Variants in LTBP2 observed in about 807,000 individuals in gnomAD.
LTBP2 encodes the protein latent-transforming growth factor beta-binding protein 2.
A neutral mutation model predicts 210.6 loss-of-function variants in LTBP2; 103 were observed. The ratio of observed to expected loss-of-function variants is 0.49; its 90% CI spans 0.42 to 0.58. LTBP2 has a LOEUF of 0.58. Among genes scored for constraint, LTBP2 ranks in the 20% least tolerant of loss-of-function variants. The pLI is 0.00. For synonymous variants in LTBP2, 1,007 were observed against 1,015.0 expected (o/e 0.99, Z 0.15); for missense variants, 2,313 against 2,494.5 (o/e 0.93, Z 1.55).
At chr14:74,560,131 T>C (rs924962008) in intron 3 of LTBP2, 1 of 152,162 alleles carries the variant, frequency 6.6e-6, no homozygotes, top group African/African-American at 2.4e-5. Flanking sequence ...GGGAACAACA[T>C]AAAGTCGCTT....
In LTBP2 at chr14:74,607,004, C is replaced by T. The variant is rs58039005; in HGVS notation, c.495-3299G>A. Reference sequence around the variant, plus strand: ...TCTAGAGGTTTCTTTCTTATTTCTCCTTGTGCCTCTACAGTCTAACACAGT... The same window carrying T: ...TCTAGAGGTTTCTTTCTTATTTCTCTTTGTGCCTCTACAGTCTAACACAGT... On this transcript the variant is annotated intron_variant, in intron 1 of 35. Coordinates refer to ENST00000261978, the MANE Select transcript of LTBP2 (RefSeq NM_000428.3). Among the ~76,000 whole-genome samples, 659 of 152,258 alleles carry T rather than the reference C, an allele frequency of 4.3e-3. 4 individuals are homozygous for T. The highest frequency in any genetic ancestry group is 0.015 in the African/African-American group (641 of 41,538).
chr14:74,534,225 T>C (rs1043186894), intron 9 of LTBP2, among the ~76,000 whole-genome samples: 5 of 152,322 alleles, frequency 3.3e-5, no homozygotes, highest in Non-Finnish European at 7.4e-5. Flanking sequence ...CTGGGTTCCC[T>C]GTCACTTCTT....
rs1419311442 is a variant in LTBP2 at position 74,611,572 on chromosome 14, T to G, written c.373A>C (p.Thr125Pro). The G allele has an allele frequency of 6.4e-7, 1 of 1,574,702 alleles. No homozygotes were observed. Among genetic ancestry groups the G allele is most frequent in the Non-Finnish European group, 8.6e-7 (1 of 1,167,380 alleles). ...GCTGGTTGCTGCTGGCCCAGGGGAG[T>G]GCTTCTCCGGGTCTGCGCAGGTGGC... ...VQPPAQTRRS[T>P]PLGQQQPAPR... is the part of the protein sequence containing the mutation. Residue 125 changes from threonine to proline, a missense_variant, in exon 1 of 36, where the codon ACT (threonine) becomes CCT (proline). Thr to Pro is a conservative substitution (Grantham distance 38). Coordinates refer to ENST00000261978, the MANE Select transcript of LTBP2 (RefSeq NM_000428.3).
intron 9 of LTBP2, 43 bp downstream of exon 9, chr14:74,535,883 G>T (rs374947629): frequency 2.6e-6 from 4 of 1,545,596 alleles, no homozygotes; most frequent in Admixed American, 3.3e-5. Flanking sequence ...CTGGGAGTGT[G>T]CCCCGGCATC....
At chr14:74,571,794 C>T (rs1209614440) in intron 3 of LTBP2, among the ~76,000 whole-genome samples, 2 of 152,206 alleles carry the variant, frequency 1.3e-5, no homozygotes, top group African/African-American at 4.8e-5. Flanking sequence ...GCTGAGGCTC[C>T]AGGAGGAAAA....
chr14:74,574,984 C>T (rs915156582), intron 3 of LTBP2, among the ~76,000 whole-genome samples: 1 of 151,620 alleles, frequency 6.6e-6, no homozygotes, highest in African/African-American at 2.4e-5. Context: ...AGCTCGGCAT[C>T]CTCACCAACC....
At chr14:74,601,070 A>G (rs1247714625) in intron 2 of LTBP2, among the ~76,000 whole-genome samples, 3 of 152,180 alleles carry the variant, frequency 2.0e-5, no homozygotes, top group Non-Finnish European at 4.4e-5. Flanking sequence ...TGTTAAAAAA[A>G]TTACAGTGCC....
chr14:74,505,244 A>G, intron 28 of LTBP2, 70 bp from the exon 29 acceptor site: 1 of 1,523,694 alleles, frequency 6.6e-7, no homozygotes, highest in East Asian at 2.3e-5. Flanking sequence ...CCTTGACTTT[A>G]TTTCTTAAAT....
intron 3 of LTBP2, among the ~76,000 whole-genome samples, chr14:74,567,720 G>A (rs973628924): frequency 1.3e-5 from 2 of 152,170 alleles, no homozygotes; most frequent in East Asian, 1.9e-4. Context: ...CCATGGAGTC[G>A]TCACAGCGCT....
At chr14:74,598,966 C>A (rs1229271464) in intron 2 of LTBP2, among the ~76,000 whole-genome samples, 2 of 152,188 alleles carry the variant, frequency 1.3e-5, no homozygotes, top group African/African-American at 4.8e-5. Flanking sequence ...CAGCCGACCT[C>A]ATTTGTAAAT....
At chr14:74,502,410 G>C (rs1041296492) in intron 34 of LTBP2, among the ~76,000 whole-genome samples, 2 of 152,152 alleles carry the variant, frequency 1.3e-5, no homozygotes, top group African/African-American at 4.8e-5. Flanking sequence ...AAGCTTGTAG[G>C]TTGGGACAGG....
intron 5 of LTBP2, 45 bp downstream of exon 5, chr14:74,552,847 C>T (rs965581203): frequency 1.9e-6 from 3 of 1,588,822 alleles, no homozygotes; most frequent in Non-Finnish European, 2.6e-6. Context: ...GGCCATCTAC[C>T]CTCCAGGGCC....
intron 28 of LTBP2, among the ~76,000 whole-genome samples, chr14:74,505,664 C>T (rs1369699985): frequency 6.6e-6 from 1 of 152,034 alleles, no homozygotes; most frequent in Admixed American, 6.6e-5. Context: ...CAGGAGCTCT[C>T]GGGTGGAGTG....
intron 1 of LTBP2, among the ~76,000 whole-genome samples, chr14:74,605,947 G>A (rs2088519895): frequency 6.6e-6 from 1 of 152,192 alleles, no homozygotes; most frequent in Non-Finnish European, 1.5e-5. Context: ...GATCCCTACA[G>A]GCCAATATTA....
In LTBP2 at chr14:74,506,852, GAT is replaced by G. The variant is rs1491318098; in HGVS notation, c.3908-31_3908-30del. 2,192 of 1,589,268 alleles carry G rather than the reference GAT, an allele frequency of 1.4e-3. 26 individuals are homozygous for G. In the African/African-American group the frequency reaches 0.029, roughly 21 times the overall value. On this transcript the variant is annotated intron_variant, in intron 26 of 35. Coordinates refer to ENST00000261978, the MANE Select transcript of LTBP2 (RefSeq NM_000428.3). ...TGGGACAGTGGGAACCAGGATAGAG[GAT>G]GTGTGTGTGTGTGTGTGTGTGTGTG... is the stretch of plus-strand genomic sequence containing the variant.
At chr14:74,515,972 T>G (rs2087129144) in intron 18 of LTBP2, among the ~76,000 whole-genome samples, 1 of 152,188 alleles carries the variant, frequency 6.6e-6, no homozygotes, top group Non-Finnish European at 1.5e-5. Flanking sequence ...GTAGTGGTAT[T>G]GGGAAGGGAA....
rs2087045015 is a variant in LTBP2, at chr14:74,509,720, C to A, written c.3277+14G>T. ...ATATTCTGTCCCCTTCCACCACTGC[C>A]TCCCCAGGGTTACCTTCACAGGCAG... On this transcript the variant is annotated intron_variant, in intron 21 of 35. Coordinates refer to ENST00000261978, the MANE Select transcript of LTBP2 (RefSeq NM_000428.3). 6.2e-7 allele frequency: 1 copy of A among 1,614,044 alleles called. No homozygotes were observed. Among genetic ancestry groups the A allele is most frequent in the East Asian group, 2.2e-5 (1 of 44,868 alleles).
At position 74,551,277 on chromosome 14, in the gene LTBP2, C is replaced by T; in HGVS notation, c.1473G>A (p.Val491=). 2 of 1,608,988 alleles carry T rather than the reference C, an allele frequency of 1.2e-6. No individual in the cohort carries two copies. Among genetic ancestry groups the T allele is most frequent in the South Asian group, 1.1e-5 (1 of 90,152 alleles). Residue 491 remains valine, a synonymous_variant, in exon 7 of 36, where the codon GTG becomes GTA. Transcript: ENST00000261978. ...PPEASVQIHQ[V]AQVRGGVEEA... ...CCTCCACCCCGCCCCGCACCTGGGC[C>T]ACCTGGTGGATCTGCACTGAGGCCT...
chr14:74,542,893 A>T (rs1218893835), intron 8 of LTBP2, among the ~76,000 whole-genome samples: 1 of 151,720 alleles, frequency 6.6e-6, no homozygotes, highest in Non-Finnish European at 1.5e-5. Flanking sequence ...CAGCCTCCTG[A>T]GTAAACAGGA....
Sources: allele counts gnomAD v4.1 joint callset (sites outside exome capture counted in the v4.1 genomes callset), GRCh38; gene constraint gnomAD v4.1.1; transcripts MANE v1.5; gene names NCBI Gene and HGNC (gene_info 2026-07-23, HGNC 2026-07-21).